Variants in IL6R observed in about 807,000 individuals in gnomAD.
The protein encoded by IL6R is interleukin 6 receptor.
In IL6R, 38 loss-of-function variants were observed where a neutral mutation model predicts 48.3. The observed-to-expected ratio is 0.79, with a 90% CI of 0.61 to 1.03. IL6R has a LOEUF of 1.03. IL6R is among the 50% of genes least tolerant of loss of function. The pLI is 0.00. For missense variants in IL6R, 534 were observed against 618.3 expected (o/e 0.86, Z 1.45); for synonymous variants, 264 against 256.2 (o/e 1.03, Z -0.29).
chr1:154,435,341 C>A (rs923788920), intron 5 of IL6R, among the ~76,000 whole-genome samples, 185 bp downstream of exon 5: 1 of 152,028 alleles, frequency 6.6e-6, no homozygotes, highest in African/African-American at 2.4e-5. Context: ...GAAATACCGT[C>A]TCTACTAAAA....
At chr1:154,428,504 G>A (rs1689101299) in intron 1 of IL6R, among the ~76,000 whole-genome samples, 1 of 152,212 alleles carries the variant, frequency 6.6e-6, no homozygotes, top group Non-Finnish European at 1.5e-5. Flanking sequence ...TGGGTGCCTG[G>A]CATTCATTCC....
At chr1:154,436,202 T>A in intron 6 of IL6R, 92 bp downstream of exon 6, 1 of 1,415,350 alleles carries the variant, frequency 7.1e-7, no homozygotes, top group Non-Finnish European at 9.6e-7. Context: ...TCAAAACTAG[T>A]GGCTTAGGCC....
chr1:154,420,986 G>C (rs532317407), intron 1 of IL6R, among the ~76,000 whole-genome samples: 26 of 152,128 alleles, frequency 1.7e-4, no homozygotes, highest in East Asian at 9.6e-4. Context: ...GTTTGTTTTC[G>C]GGAGGCAATA....
intron 6 of IL6R, among the ~76,000 whole-genome samples, chr1:154,437,730 T>C (rs1689714811): frequency 6.6e-6 from 1 of 151,186 alleles, no homozygotes; most frequent in Non-Finnish European, 1.5e-5. Context: ...AATTTTTTTT[T>C]TTAGACGGAA....
chr1:154,452,317 C>A (rs1164100451), intron 8 of IL6R, among the ~76,000 whole-genome samples: 1 of 152,174 alleles, frequency 6.6e-6, no homozygotes, highest in Non-Finnish European at 1.5e-5. Flanking sequence ...GGTCCCCTAT[C>A]TTTAGACGTT....
intron 1 of IL6R, among the ~76,000 whole-genome samples, chr1:154,427,593 C>G (rs1558308276): frequency 6.6e-6 from 1 of 152,166 alleles, no homozygotes; most frequent in African/African-American, 2.4e-5. Context: ...GACTCTGGCT[C>G]TAGGTGTTAA....
intron 1 of IL6R, chr1:154,414,675 G>C (rs771373948): frequency 3.0e-5 from 26 of 854,772 alleles, no homozygotes; most frequent in Non-Finnish European, 4.5e-5. Flanking sequence ...TGTTACCCTT[G>C]GCCAGGAACA....
Position 154,435,967 on chromosome 1 carries a change from A to T in IL6R, c.808-2A>T. On this transcript the variant is annotated splice_acceptor_variant, in intron 5 of 9. Coordinates refer to ENST00000368485, the MANE Select transcript of IL6R (RefSeq NM_000565.4). LOFTEE classifies it high-confidence loss of function. Reference sequence around the variant, plus strand: ...CCAGAGTCACCGTGCCCCCGCCCTCAGGTCAAGGACCTCCAGCATCACTGT... The same window carrying T: ...CCAGAGTCACCGTGCCCCCGCCCTCTGGTCAAGGACCTCCAGCATCACTGT... 1 of 1,596,558 alleles carries T rather than the reference A, an allele frequency of 6.3e-7. No individual in the cohort carries two copies. The highest frequency in any genetic ancestry group is 8.6e-7 in the Non-Finnish European group (1 of 1,166,884).
intron 6 of IL6R, among the ~76,000 whole-genome samples, chr1:154,443,208 A>G (rs144220016): frequency 3.9e-5 from 6 of 152,340 alleles, no homozygotes; most frequent in East Asian, 3.9e-4. Context: ...GGTGATACCA[A>G]AGGTTTGCAT....
At chr1:154,421,626 T>G (rs550505683) in intron 1 of IL6R, among the ~76,000 whole-genome samples, 2 of 152,282 alleles carry the variant, frequency 1.3e-5, no homozygotes, top group East Asian at 3.9e-4. Context: ...TCTCACTGTT[T>G]TTTGTTTTTT....
chr1:154,465,400 A>G lies in IL6R; in HGVS notation c.*20A>G. 1.2e-6 allele frequency: 2 copies of G among 1,613,470 alleles called. No homozygotes were observed. Among genetic ancestry groups the G allele is most frequent in the South Asian group, 1.1e-5 (1 of 91,080 alleles). On this transcript the variant is annotated 3_prime_UTR_variant, in exon 10 of 10. Transcript: ENST00000368485. ...AGATAGCTGGCTGGGTGGCACCAGC[A>G]GCCTGGACCCTGTGGATGATAAAAC...
At chr1:154,429,583 T>C (rs929657462) in intron 2 of IL6R, 139 bp downstream of exon 2, 4 of 1,003,490 alleles carry the variant, frequency 4.0e-6, no homozygotes, top group Non-Finnish European at 5.7e-6. Flanking sequence ...CACCAATGTC[T>C]GCCATCCAGA....
chr1:154,454,973 G>A (rs1376343591), intron 9 of IL6R, among the ~76,000 whole-genome samples: 6 of 152,146 alleles, frequency 3.9e-5, no homozygotes. Flanking sequence ...GTGCTGTGGT[G>A]CAATCTCGCC....
rs770462642 is a variant in IL6R, at chr1:154,434,990, T to G, written c.641T>G (p.Leu214Trp). ...KTQTFQGCGI[L>W]QPDPPANITV... ...GGAGTCATGCTCACTTTTCCCACAG[T>G]GCAGCCTGATCCGCCTGCCAACATC... The change falls in exon 5 of 10, where the codon TTG becomes TGG. Residue 214 changes from leucine to tryptophan, a missense_variant and splice_region_variant. Coordinates refer to ENST00000368485, the MANE Select transcript of IL6R (RefSeq NM_000565.4). The G allele has an allele frequency of 6.2e-6, 10 of 1,613,724 alleles. No individual in the cohort carries two copies. The highest frequency in any genetic ancestry group is 8.5e-6 in the Non-Finnish European group (10 of 1,179,982).
At chr1:154,433,412 C>CT (rs1329798302) in intron 3 of IL6R, among the ~76,000 whole-genome samples, 1 of 152,234 alleles carries the variant, frequency 6.6e-6, no homozygotes, top group African/African-American at 2.4e-5. Flanking sequence ...CTGGACTCAC[C>CT]TGCCAGAACC....
chr1:154,454,178 A>C, intron 8 of IL6R: 2 of 407,400 alleles, frequency 4.9e-6, no homozygotes, highest in Non-Finnish European at 9.1e-6. Context: ...GAAAGTGAGT[A>C]GGAGTCTGTG....
intron 1 of IL6R, among the ~76,000 whole-genome samples, chr1:154,412,114 A>G (rs1347791886): frequency 6.7e-6 from 1 of 148,412 alleles, no homozygotes; most frequent in Non-Finnish European, 1.5e-5. Flanking sequence ...CGCCTGGCTA[A>G]TTTTTTGTAT....
At chr1:154,423,884 G>C (rs1036420367) in intron 1 of IL6R, among the ~76,000 whole-genome samples, 30 of 152,204 alleles carry the variant, frequency 2.0e-4, no homozygotes, top group Non-Finnish European at 4.0e-4. Flanking sequence ...ATTTCTCTGA[G>C]CTGCTCAGAT....
intron 2 of IL6R, 121 bp downstream of exon 2, chr1:154,429,565 G>T: frequency 8.1e-7 from 1 of 1,229,498 alleles, no homozygotes; most frequent in Non-Finnish European, 1.1e-6. Flanking sequence ...AGAATTTTGG[G>T]GAAGGCCCAC....
Sources: allele counts gnomAD v4.1 joint callset (sites outside exome capture counted in the v4.1 genomes callset), GRCh38; gene constraint gnomAD v4.1.1; transcripts MANE v1.5; gene names NCBI Gene and HGNC (gene_info 2026-07-23, HGNC 2026-07-21).